ATP10B: variants seen among roughly 807,000 people sequenced by gnomAD.
ATP10B encodes ATPase phospholipid transporting 10B (putative), also known as phospholipid-transporting ATPase VB.
ATP10B carries 122 observed loss-of-function variants against 141.2 expected under a neutral mutation model. The observed-to-expected ratio is 0.86, with a 90% confidence interval of 0.75 to 1.00. ATP10B has a LOEUF of 1.00. ATP10B is among the 50% of genes least tolerant of loss of function. The probability of loss-of-function intolerance (pLI) is 0.00; values close to 1 mark genes in which losing one functional copy is unlikely to be tolerated. For missense variants in ATP10B, 1,876 were observed against 1,825.3 expected, an observed-to-expected ratio of 1.03 and a Z score of -0.51; for synonymous variants, 685 against 692.0, an observed-to-expected ratio of 0.99 and a Z score of 0.16.
chr5:160,653,101 T>C (rs1337714762), intron 7 of ATP10B, among the ~76,000 whole-genome samples: 5 of 128,088 alleles, frequency 3.9e-5, no homozygotes, highest in South Asian at 2.3e-4. Context: ...TATACACGTG[T>C]ATATATAACA....
the ATP10B span, among the ~76,000 whole-genome samples, chr5:160,920,163 TAC>T: frequency 6.6e-6 from 1 of 152,180 alleles, no homozygotes; most frequent in African/African-American, 2.4e-5. Context: ...GTCAAGCACT[TAC>T]AGTCGATCGA....
chr5:160,818,657 C>T (rs1196771698), intron 1 of ATP10B, among the ~76,000 whole-genome samples: 1 of 152,070 alleles, frequency 6.6e-6, no homozygotes, highest in African/African-American at 2.4e-5. Context: ...GGGTATATAC[C>T]CAAAGGATTA....
intron 2 of ATP10B, among the ~76,000 whole-genome samples, chr5:160,779,314 C>A (rs1202649498): frequency 2.0e-5 from 3 of 152,142 alleles, no homozygotes; most frequent in African/African-American, 7.2e-5. Flanking sequence ...TTGTATCTTC[C>A]TCTGGCCTTG....
In ATP10B at chr5:160,615,829, T is replaced by C. The variant is rs771735385; in HGVS notation, c.2653+9A>G. The C allele has an allele frequency of 6.2e-7, 1 of 1,608,226 alleles. No individual in the cohort carries two copies. Among genetic ancestry groups the C allele is most frequent in the Admixed American group, 1.7e-5 (1 of 59,896 alleles). On this transcript the variant is annotated intron_variant, in intron 17 of 25. Transcript: ENST00000327245. ...TTTTTTCCTATAATAATGACTTATT[T>C]TTAGCTACCAAGTAAGGTGAGTTGA...
At chr5:160,863,500 C>T in the ATP10B span, among the ~76,000 whole-genome samples, 7 of 151,732 alleles carry the variant, frequency 4.6e-5, no homozygotes, top group African/African-American at 1.7e-4. Flanking sequence ...ATGCCCACAC[C>T]AAAAAGTGTG....
chr5:160,898,164 C>A, the ATP10B span, among the ~76,000 whole-genome samples: 3 of 151,928 alleles, frequency 2.0e-5, no homozygotes, highest in African/African-American at 7.3e-5. Context: ...TCTAATTAAA[C>A]TAAAGAGCTT....
chr5:160,577,771 A>G (rs532746631), intron 24 of ATP10B, among the ~76,000 whole-genome samples: 1 of 152,254 alleles, frequency 6.6e-6, no homozygotes, highest in South Asian at 2.1e-4. Context: ...TCTAATTTAA[A>G]TAACTTGTCA....
intron 7 of ATP10B, among the ~76,000 whole-genome samples, chr5:160,658,648 A>T (rs1376905541): frequency 6.6e-6 from 1 of 152,176 alleles, no homozygotes; most frequent in Non-Finnish European, 1.5e-5. Context: ...TTTCCCCAGG[A>T]TGCTTTTCAA....
chr5:160,628,193 T>G (rs1453436799), intron 13 of ATP10B, among the ~76,000 whole-genome samples: 1 of 152,216 alleles, frequency 6.6e-6, no homozygotes, highest in Non-Finnish European at 1.5e-5. Context: ...AAACGGGGCA[T>G]AAGCCCAAAG....
chr5:160,662,854 C>T (rs544111945), intron 7 of ATP10B, among the ~76,000 whole-genome samples: 2 of 152,322 alleles, frequency 1.3e-5, no homozygotes, highest in African/African-American at 4.8e-5. Context: ...TCAGAGTGAA[C>T]AGGCAACCTA....
At chr5:160,882,043 A>G in the ATP10B span, among the ~76,000 whole-genome samples, 1 of 152,218 alleles carries the variant, frequency 6.6e-6, no homozygotes, top group Admixed American at 6.5e-5. Flanking sequence ...AATATTCCAG[A>G]AAAGGTAAAA....
the ATP10B span, among the ~76,000 whole-genome samples, chr5:160,910,229 G>A: frequency 6.6e-6 from 1 of 152,102 alleles, no homozygotes; most frequent in Non-Finnish European, 1.5e-5. Context: ...GATGAGACTG[G>A]TTCCTTTTAC....
At position 160,565,482 on chromosome 5, in the gene ATP10B, G is replaced by T. The variant is rs755656828; in HGVS notation, c.4357C>A (p.Arg1453Ser). Residue 1453 changes from arginine (R) to serine (S), a missense_variant, in exon 26 of 26, where the codon CGC becomes AGC. Physicochemically the swap from Arg to Ser is moderately radical, Grantham distance 110. Coordinates refer to ENST00000327245, the MANE Select transcript of ATP10B (RefSeq NM_025153.3). ...MCRCSKRSSHRRSQSSLTI is the reference protein window; with the variant it reads ...MCRCSKRSSHSRSQSSLTI ...ATGGTCAGTGAACTCTGGGATCGGC[G>T]ATGGCTGCTCCTCTTTGAGCACCGG... is the stretch of plus-strand genomic sequence containing the variant. 1.9e-6 allele frequency: 3 copies of T among 1,614,056 alleles called. No homozygotes were observed. The highest frequency in any genetic ancestry group is 1.1e-5 in the South Asian group (1 of 91,076).
At chr5:160,804,577 A>C (rs1167009175) in intron 1 of ATP10B, among the ~76,000 whole-genome samples, 1 of 152,232 alleles carries the variant, frequency 6.6e-6, no homozygotes, top group African/African-American at 2.4e-5. Flanking sequence ...GTTCATATAG[A>C]TCCAAAGACC....
chr5:160,669,453 CTCAG>C (rs1762523914), intron 7 of ATP10B, among the ~76,000 whole-genome samples: 1 of 152,150 alleles, frequency 6.6e-6, no homozygotes, highest in Admixed American at 6.5e-5. Context: ...TTGAACCCAT[CTCAG>C]TCAGACCCCA....
chr5:160,816,231 C>G (rs1229838074), intron 1 of ATP10B, among the ~76,000 whole-genome samples: 1 of 128,690 alleles, frequency 7.8e-6, no homozygotes, highest in African/African-American at 2.6e-5. Flanking sequence ...TTGAAAAGAT[C>G]AATAAAAATT....
chr5:160,661,571 T>A (rs2127713360), intron 7 of ATP10B, among the ~76,000 whole-genome samples: 1 of 152,250 alleles, frequency 6.6e-6, no homozygotes, highest in South Asian at 2.1e-4. Flanking sequence ...AAAATAAGAC[T>A]GGTTATAAAC....
At chr5:160,747,595 G>A (rs774534721) in intron 2 of ATP10B, among the ~76,000 whole-genome samples, 1 of 152,148 alleles carries the variant, frequency 6.6e-6, no homozygotes, top group Non-Finnish European at 1.5e-5. Flanking sequence ...GCTACCACAA[G>A]CCAAGGAACA....
chr5:160,824,817 T>C (rs149526368), intron 1 of ATP10B, among the ~76,000 whole-genome samples: 23 of 152,142 alleles, frequency 1.5e-4, no homozygotes, highest in African/African-American at 5.5e-4. Context: ...TGTGTAAAGG[T>C]TTTTCAATTG....
Sources: allele counts gnomAD v4.1 joint callset (sites outside exome capture counted in the v4.1 genomes callset), GRCh38; gene constraint gnomAD v4.1.1; transcripts MANE v1.5; gene names NCBI Gene and HGNC (gene_info 2026-07-23, HGNC 2026-07-21).